Variants in ANO3 observed in about 807,000 individuals in gnomAD.
ANO3 encodes the protein anoctamin-3.
In ANO3, 99 loss-of-function variants were observed where a neutral mutation model predicts 144.8. The observed-to-expected ratio is 0.68, with a 90% CI of 0.58 to 0.81. ANO3 has a LOEUF of 0.81. Ranked by LOEUF, ANO3 falls within the 30% of genes least tolerant of loss-of-function variation. The pLI is 0.00. For missense variants in ANO3, 905 were observed against 1,202.2 expected (o/e 0.75, Z 3.66); for synonymous variants, 414 against 392.6 (o/e 1.05, Z -0.64).
intron 1 of ANO3, among the ~76,000 whole-genome samples, chr11:26,225,102 ATCT>A (rs965358776): frequency 2.0e-4 from 30 of 152,168 alleles, no homozygotes; most frequent in African/African-American, 6.5e-4. Flanking sequence ...AATCTGCATA[ATCT>A]TTTGTGTATT....
chr11:26,277,354 T>C (rs1457332986), intron 1 of ANO3, among the ~76,000 whole-genome samples: 3 of 152,128 alleles, frequency 2.0e-5, no homozygotes, highest in Non-Finnish European at 2.9e-5. Context: ...AACTTTAGCA[T>C]AGATGGATCA....
chr11:26,484,543 G>C (rs1325307286), intron 4 of ANO3, among the ~76,000 whole-genome samples: 2 of 152,176 alleles, frequency 1.3e-5, no homozygotes, highest in African/African-American at 4.8e-5. Context: ...GGATGTCCAG[G>C]CAGAAGTCTG....
At chr11:26,261,657 G>A (rs1487917601) in intron 1 of ANO3, among the ~76,000 whole-genome samples, 1 of 152,086 alleles carries the variant, frequency 6.6e-6, no homozygotes, top group Non-Finnish European at 1.5e-5. Context: ...AGTCACTAGG[G>A]CACACCAAGG....
chr11:26,546,969 G>C (rs1169118656), intron 11 of ANO3, among the ~76,000 whole-genome samples: 1 of 151,874 alleles, frequency 6.6e-6, no homozygotes, highest in African/African-American at 2.4e-5. Flanking sequence ...GGTGCACATT[G>C]TGTCTAGCAT....
At chr11:26,394,550 A>G (rs529542005) in intron 1 of ANO3, among the ~76,000 whole-genome samples, 1 of 149,710 alleles carries the variant, frequency 6.7e-6, no homozygotes, top group African/African-American at 2.4e-5. Context: ...GGAAAACATT[A>G]AAAAAATTGA....
intron 1 of ANO3, among the ~76,000 whole-genome samples, chr11:26,360,378 G>T (rs1855895100): frequency 6.6e-6 from 1 of 152,038 alleles, no homozygotes; most frequent in Non-Finnish European, 1.5e-5. Context: ...CCTGCAGCGT[G>T]ATCAGATAGA....
At chr11:26,189,714 TA>T (rs1361357360) in intron 1 of ANO3, among the ~76,000 whole-genome samples, 3 of 152,200 alleles carry the variant, frequency 2.0e-5, no homozygotes. Flanking sequence ...TCATCTCTTT[TA>T]TCTCTCATTC....
At chr11:26,210,618 T>A (rs1265509119) in intron 1 of ANO3, among the ~76,000 whole-genome samples, 1 of 152,166 alleles carries the variant, frequency 6.6e-6, no homozygotes, top group South Asian at 2.1e-4. Flanking sequence ...TCCATGAGCA[T>A]GGAATGTTTT....
intron 5 of ANO3, among the ~76,000 whole-genome samples, chr11:26,509,074 C>CAT (rs958317701): frequency 1.2e-4 from 15 of 127,700 alleles, no homozygotes; most frequent in African/African-American, 3.6e-4. Context: ...TGTACGTATA[C>CAT]ATATATATAC....
intron 17 of ANO3, among the ~76,000 whole-genome samples, chr11:26,623,061 C>G (rs1852467534): frequency 1.3e-5 from 2 of 152,158 alleles, no homozygotes; most frequent in Non-Finnish European, 2.9e-5. Context: ...TTCATGAATT[C>G]ACAGTAATCT....
chr11:26,615,415 T>TATATATATATATATATATATATA (rs1491318574), intron 17 of ANO3, among the ~76,000 whole-genome samples: 1 of 55,476 alleles, frequency 1.8e-5, no homozygotes, highest in African/African-American at 7.6e-5. Context: ...TATATATATA[T>TATATATATATATATATATATATA]TTTTTTTTTT....
intron 1 of ANO3, among the ~76,000 whole-genome samples, chr11:26,393,792 A>G (rs955206498): frequency 1.3e-5 from 2 of 152,172 alleles, no homozygotes; most frequent in Non-Finnish European, 2.9e-5. Flanking sequence ...TGTTATTGGC[A>G]TAAAAAGTTG....
upstream of ANO3, among the ~76,000 whole-genome samples, chr11:26,308,010 C>T (rs12796045): frequency 8.2e-3 from 1,245 of 152,256 alleles, 15 homozygotes; most frequent in African/African-American, 0.027. Flanking sequence ...CCAAATCCTT[C>T]TACTTTTGGA....
chr11:26,200,023 T>G (rs1274000304), intron 1 of ANO3, among the ~76,000 whole-genome samples: 1 of 152,166 alleles, frequency 6.6e-6, no homozygotes, highest in East Asian at 1.9e-4. Flanking sequence ...CTGGACTTAC[T>G]TTCTGGGCTT....
intron 14 of ANO3, chr11:26,565,689 GAGTTTA>G: frequency 6.2e-7 from 1 of 1,613,258 alleles, no homozygotes; most frequent in East Asian, 2.2e-5. Flanking sequence ...TTCTTTATCT[GAGTTTA>G]AGTTTGCTTC....
intron 20 of ANO3, among the ~76,000 whole-genome samples, chr11:26,636,159 C>T (rs931627907): frequency 6.6e-6 from 1 of 152,160 alleles, no homozygotes; most frequent in Non-Finnish European, 1.5e-5. Context: ...ATGATCGTAC[C>T]ACTGCACTCC....
At chr11:26,513,476 G>A (rs1029377180) in intron 5 of ANO3, among the ~76,000 whole-genome samples, 7 of 152,106 alleles carry the variant, frequency 4.6e-5, no homozygotes, top group South Asian at 2.1e-4. Context: ...AAAACAAATC[G>A]GGAACAACCT....
At chr11:26,426,505 A>G (rs1330830222) in intron 1 of ANO3, among the ~76,000 whole-genome samples, 1 of 152,212 alleles carries the variant, frequency 6.6e-6, no homozygotes, top group Non-Finnish European at 1.5e-5. Flanking sequence ...AAAAAAGCAC[A>G]TATATGAATG....
chr11:26,366,340 C>A (rs961965154), intron 1 of ANO3, among the ~76,000 whole-genome samples: 5 of 152,144 alleles, frequency 3.3e-5, no homozygotes, highest in African/African-American at 1.2e-4. Flanking sequence ...TTTTTTATGG[C>A]TGCATAGTAT....
Sources: gnomAD v4.1 joint callset for allele counts (sites outside exome capture counted in the v4.1 genomes callset) on GRCh38, gnomAD v4.1.1 for gene constraint, MANE v1.5 for transcripts, NCBI Gene and HGNC (gene_info 2026-07-23, HGNC 2026-07-21) for gene names.